Variants in TBL1XR1 observed in about 807,000 individuals in gnomAD.
The protein encoded by TBL1XR1 is TBL1X/Y related 1.
TBL1XR1 carries 5 observed loss-of-function variants against 66.9 expected under a neutral mutation model. That is an observed-to-expected ratio of 0.07 (90% CI 0.04 to 0.16). The LOEUF (loss-of-function observed/expected upper bound fraction) is 0.16, where lower values mean the gene tolerates loss of function less well. Ranked by LOEUF, TBL1XR1 falls within the 10% of genes least tolerant of loss-of-function variation. The pLI is 1.00. For missense variants in TBL1XR1, 238 were observed against 623.2 expected, an observed-to-expected ratio of 0.38 and a Z score of 6.58; for synonymous variants, 210 against 206.0, an observed-to-expected ratio of 1.02 and a Z score of -0.17.
chr3:177,117,046 C>A (rs1350470168), intron 1 of TBL1XR1, among the ~76,000 whole-genome samples: 19 of 152,018 alleles, frequency 1.2e-4, no homozygotes, highest in Admixed American at 1.1e-3. Flanking sequence ...TATTGGCATT[C>A]CGAAAATGGG....
chr3:177,034,440 C>A, intron 12 of TBL1XR1, 115 bp from the exon 13 acceptor site: 1 of 610,978 alleles, frequency 1.6e-6, no homozygotes, highest in Non-Finnish European at 2.5e-6. Flanking sequence ...GTGATATAAC[C>A]AGAATGATGA....
At chr3:177,099,626 G>T (rs1157012911) in intron 1 of TBL1XR1, among the ~76,000 whole-genome samples, 1 of 152,222 alleles carries the variant, frequency 6.6e-6, no homozygotes, top group African/African-American at 2.4e-5. Flanking sequence ...CTTCAAAACA[G>T]GGCGTGGGCG....
intron 1 of TBL1XR1, among the ~76,000 whole-genome samples, chr3:177,126,320 T>C (rs1318371082): frequency 6.6e-6 from 1 of 152,216 alleles, no homozygotes; most frequent in Admixed American, 6.5e-5. Flanking sequence ...AGAACTACAA[T>C]ACTATGCTGA....
intron 1 of TBL1XR1, among the ~76,000 whole-genome samples, chr3:177,185,120 G>A (rs1483798656): frequency 1.3e-5 from 2 of 151,898 alleles, no homozygotes; most frequent in Non-Finnish European, 2.9e-5. Context: ...AGTTCAAAAG[G>A]TTACACATGA....
At chr3:177,026,190 A>G (rs1388435762) in intron 15 of TBL1XR1, 183 bp downstream of exon 15, 3 of 581,066 alleles carry the variant, frequency 5.2e-6, no homozygotes, top group Non-Finnish European at 8.9e-6. Flanking sequence ...GGACAGCCTA[A>G]ATTTTGTTTA....
intron 1 of TBL1XR1, among the ~76,000 whole-genome samples, chr3:177,155,326 T>C (rs1731361322): frequency 6.6e-6 from 1 of 152,196 alleles, no homozygotes; most frequent in Non-Finnish European, 1.5e-5. Flanking sequence ...TCAAGATTTG[T>C]ATTGTGAATT....
chr3:177,168,735 T>C (rs1325325169), intron 1 of TBL1XR1, among the ~76,000 whole-genome samples: 1 of 152,240 alleles, frequency 6.6e-6, no homozygotes, highest in Non-Finnish European at 1.5e-5. Context: ...AATAAACATA[T>C]ACTTTACAAA....
chr3:177,179,906 A>T (rs192350559), intron 1 of TBL1XR1, among the ~76,000 whole-genome samples: 7 of 152,320 alleles, frequency 4.6e-5, no homozygotes, highest in Admixed American at 4.6e-4. Flanking sequence ...TGACACAAAA[A>T]AGGGAACAAA....
chr3:177,182,363 T>C (rs1253157749), intron 1 of TBL1XR1, among the ~76,000 whole-genome samples: 1 of 152,090 alleles, frequency 6.6e-6, no homozygotes, highest in Non-Finnish European at 1.5e-5. Context: ...CCAGCCTGGG[T>C]GACAGAGTAA....
At chr3:177,133,012 G>C (rs1418848203) in intron 1 of TBL1XR1, among the ~76,000 whole-genome samples, 1 of 152,204 alleles carries the variant, frequency 6.6e-6, no homozygotes, top group Non-Finnish European at 1.5e-5. Context: ...GAATCGGCCA[G>C]GTGCGGTGGC....
At chr3:177,067,224 A>C (rs192014909) in intron 2 of TBL1XR1, among the ~76,000 whole-genome samples, 1 of 152,384 alleles carries the variant, frequency 6.6e-6, no homozygotes, top group Non-Finnish European at 1.5e-5. Flanking sequence ...AAATTAAATC[A>C]TAATTTGATC....
At chr3:177,146,460 G>T (rs1185680532) in intron 1 of TBL1XR1, among the ~76,000 whole-genome samples, 2 of 150,798 alleles carry the variant, frequency 1.3e-5, no homozygotes, top group Non-Finnish European at 3.0e-5. Flanking sequence ...GTAATTTTTT[G>T]TATTTTTAGT....
In TBL1XR1 at chr3:177,148,017, C is replaced by A. The variant is rs1001716048; in HGVS notation, c.-122+49104G>T. Among the ~76,000 whole-genome samples, 4 of 152,200 alleles carry A rather than the reference C, an allele frequency of 2.6e-5. No individual in the cohort carries two copies. The South Asian group carries it at 6.2e-4, about 24-fold the overall frequency. On this transcript the variant is annotated intron_variant, in intron 1 of 15. Transcript: ENST00000457928. ...ATCTTTCCACCATTAAGAAAGTTAT[C>A]TCTGTGAAACAGACACTTAGCTTTT...
rs1172340611 is a variant in TBL1XR1, at chr3:177,020,102, A to G, written c.*5396T>C. On this transcript the variant is annotated 3_prime_UTR_variant, in exon 16 of 16. Transcript: ENST00000457928. Reference sequence around the variant, plus strand: ...TAGTTGTTTTTCTTATAAAGTTTGTAGTAACAACTAGCTAAGAGAGAAAAT... The same window carrying G: ...TAGTTGTTTTTCTTATAAAGTTTGTGGTAACAACTAGCTAAGAGAGAAAAT... 3 of 151,978 alleles carry G rather than the reference A, an allele frequency of 2.0e-5. No homozygotes were observed. The highest frequency in any genetic ancestry group is 7.2e-5 in the African/African-American group (3 of 41,380). The allele number at this position is 151,978 out of a possible 1,614,324, so 9.4% of individuals were successfully genotyped here.
chr3:177,055,968 A>C (rs1717753042), intron 3 of TBL1XR1, among the ~76,000 whole-genome samples: 1 of 150,734 alleles, frequency 6.6e-6, no homozygotes, highest in African/African-American at 2.5e-5. Flanking sequence ...ACAGATTCAA[A>C]TTCATTCAGA....
At chr3:177,052,797 C>A (rs1359348052) in intron 4 of TBL1XR1, among the ~76,000 whole-genome samples, 1 of 152,152 alleles carries the variant, frequency 6.6e-6, no homozygotes, top group African/African-American at 2.4e-5. Context: ...AAAAGCTCCT[C>A]ACTATAGATA....
rs1736213421 is a variant in TBL1XR1, at chr3:177,192,079, C to T, written c.-122+5042G>A. Among the ~76,000 whole-genome samples, 6 of 133,954 alleles carry T rather than the reference C, an allele frequency of 4.5e-5. No homozygotes were observed. The South Asian group carries it at 1.4e-3, about 32-fold the overall frequency. The allele number at this position is 133,954 out of a possible 152,430, so 87.9% of individuals were successfully genotyped here. A position where few individuals can be genotyped will look rare whatever the true frequency, so the allele number is the denominator to read the frequency against. Reference sequence around the variant, plus strand: ...TTGCACTCCAGCATGGGTGACAGAGCAAGACTCTGTCTCAAAAAAAAAAAA... The same window carrying T: ...TTGCACTCCAGCATGGGTGACAGAGTAAGACTCTGTCTCAAAAAAAAAAAA... On this transcript the variant is annotated intron_variant, in intron 1 of 15. Coordinates refer to ENST00000457928, the MANE Select transcript of TBL1XR1 (RefSeq NM_024665.7).
intron 1 of TBL1XR1, among the ~76,000 whole-genome samples, chr3:177,124,619 A>G (rs1037431247): frequency 6.6e-6 from 1 of 152,126 alleles, no homozygotes; most frequent in African/African-American, 2.4e-5. Context: ...CATTTAAAAA[A>G]TGTGTGACCT....
At chr3:177,139,150 C>T (rs1240689215) in intron 1 of TBL1XR1, among the ~76,000 whole-genome samples, 3 of 152,036 alleles carry the variant, frequency 2.0e-5, no homozygotes, top group African/African-American at 4.8e-5. Flanking sequence ...CATAGGGACT[C>T]AAAAAACACA....
Sources: allele counts gnomAD v4.1 joint callset (sites outside exome capture counted in the v4.1 genomes callset), GRCh38; gene constraint gnomAD v4.1.1; transcripts MANE v1.5; gene names NCBI Gene and HGNC (gene_info 2026-07-23, HGNC 2026-07-21).